ADAMTSL1: variants seen among roughly 807,000 people sequenced by gnomAD.
ADAMTSL1 encodes ADAMTS-like protein 1.
In ADAMTSL1, 126 loss-of-function variants were observed where a neutral mutation model predicts 201.8. The ratio of observed to expected loss-of-function variants is 0.62; its 90% CI spans 0.54 to 0.72. The LOEUF is 0.72. ADAMTSL1 is among the 30% of genes least tolerant of loss of function. The pLI is 0.00. For missense variants in ADAMTSL1, 2,679 were observed against 2,277.8 expected (o/e 1.18, Z -3.59); for synonymous variants, 1,121 against 903.4 (o/e 1.24, Z -4.32).
chr9:18,637,514 T>A (rs917288597), intron 6 of ADAMTSL1, among the ~76,000 whole-genome samples: 2 of 152,184 alleles, frequency 1.3e-5, no homozygotes, highest in Admixed American at 1.3e-4. Context: ...ATAGATTTCA[T>A]AATTATGTGA....
At chr9:18,683,605 T>C (rs1380878100) in intron 12 of ADAMTSL1, among the ~76,000 whole-genome samples, 1 of 152,236 alleles carries the variant, frequency 6.6e-6, no homozygotes, top group Admixed American at 6.5e-5. Context: ...GTGTTTAAAA[T>C]GTTAGCAAAT....
intron 2 of ADAMTSL1, among the ~76,000 whole-genome samples, chr9:18,259,017 A>G (rs1452025934): frequency 1.3e-5 from 2 of 152,134 alleles, no homozygotes; most frequent in Non-Finnish European, 2.9e-5. Flanking sequence ...AGTCTCTGCC[A>G]TTGGCTTCCA....
At chr9:18,017,802 CT>C (rs1820321601) in intron 1 of ADAMTSL1, among the ~76,000 whole-genome samples, 2 of 151,982 alleles carry the variant, frequency 1.3e-5, no homozygotes, top group Admixed American at 1.3e-4. Context: ...CATTAAAATT[CT>C]ATCAGCAAAG....
intron 3 of ADAMTSL1, among the ~76,000 whole-genome samples, chr9:18,562,208 G>T (rs1821553621): frequency 6.6e-6 from 1 of 152,144 alleles, no homozygotes; most frequent in Non-Finnish European, 1.5e-5. Context: ...CTCTTTTAGG[G>T]CAGGCCTGGT....
intron 15 of ADAMTSL1, among the ~76,000 whole-genome samples, chr9:18,733,815 C>G (rs746441961): frequency 1.3e-5 from 2 of 152,002 alleles, no homozygotes; most frequent in Non-Finnish European, 2.9e-5. Context: ...TTTGACTACC[C>G]AAATTCCCAG....
intron 2 of ADAMTSL1, among the ~76,000 whole-genome samples, chr9:18,176,533 G>A (rs1828166600): frequency 6.6e-6 from 1 of 152,004 alleles, no homozygotes; most frequent in Non-Finnish European, 1.5e-5. Context: ...ATTAATCTTA[G>A]AGAGAGGGTA....
chr9:18,758,812 C>G (rs1819910273), intron 16 of ADAMTSL1, among the ~76,000 whole-genome samples: 1 of 152,188 alleles, frequency 6.6e-6, no homozygotes, highest in South Asian at 2.1e-4. Context: ...GGCCATTGTT[C>G]AGCCCATCAC....
chr9:18,146,509 G>C (rs917183207), intron 1 of ADAMTSL1, among the ~76,000 whole-genome samples: 53 of 152,086 alleles, frequency 3.5e-4, no homozygotes, highest in African/African-American at 1.3e-3. Context: ...TGACATTTTG[G>C]GAAAGGCAAA....
At chr9:18,210,257 CAG>C (rs1213727458) in intron 2 of ADAMTSL1, among the ~76,000 whole-genome samples, 1 of 150,972 alleles carries the variant, frequency 6.6e-6, no homozygotes, top group African/African-American at 2.4e-5. Context: ...TAAAACATGT[CAG>C]AGTTTTTAAT....
intron 1 of ADAMTSL1, among the ~76,000 whole-genome samples, chr9:18,008,104 A>G (rs1819906011): frequency 6.6e-6 from 1 of 152,154 alleles, no homozygotes; most frequent in South Asian, 2.1e-4. Context: ...TATTTAGGTC[A>G]TGTTAGACAT....
intron 3 of ADAMTSL1, among the ~76,000 whole-genome samples, chr9:18,541,168 T>G (rs556211852): frequency 6.6e-6 from 1 of 152,200 alleles, no homozygotes; most frequent in Non-Finnish European, 1.5e-5. Context: ...TCTCCTATCT[T>G]TCAGAGTCTG....
At chr9:18,890,551 C>A (rs1452050050) in intron 25 of ADAMTSL1, 2 of 455,856 alleles carry the variant, frequency 4.4e-6, no homozygotes, top group Non-Finnish European at 8.8e-6. Context: ...TCTGTTTTGC[C>A]AGCTGAGTCA....
At chr9:17,922,004 G>A (rs1219181883) in intron 1 of ADAMTSL1, among the ~76,000 whole-genome samples, 4 of 150,726 alleles carry the variant, frequency 2.7e-5, no homozygotes, top group Non-Finnish European at 4.4e-5. Flanking sequence ...AGAACATAGA[G>A]TTAACATGAT....
At chr9:17,949,424 C>G (rs1157803314) in intron 1 of ADAMTSL1, among the ~76,000 whole-genome samples, 1 of 152,182 alleles carries the variant, frequency 6.6e-6, no homozygotes, top group Non-Finnish European at 1.5e-5. Flanking sequence ...CACTATTAAG[C>G]AGGGCTTTGG....
chr9:18,826,664 T>G (rs1294805120), intron 22 of ADAMTSL1, among the ~76,000 whole-genome samples: 1 of 152,214 alleles, frequency 6.6e-6, no homozygotes, highest in Non-Finnish European at 1.5e-5. Flanking sequence ...GGCTCTTCCA[T>G]TTACTAACTG....
At chr9:18,261,050 T>G in intron 2 of ADAMTSL1, among the ~76,000 whole-genome samples, 1 of 116,290 alleles carries the variant, frequency 8.6e-6, no homozygotes, top group East Asian at 2.7e-4. Context: ...AGAAAGAGAA[T>G]GTGTTTCCTA....
chr9:18,116,274 A>G (rs761684700), intron 1 of ADAMTSL1, among the ~76,000 whole-genome samples: 21 of 152,188 alleles, frequency 1.4e-4, no homozygotes, highest in Non-Finnish European at 2.8e-4. Flanking sequence ...GATTGTCTTT[A>G]GAGATCCAGT....
chr9:18,079,414 C>G (rs1223925756), intron 1 of ADAMTSL1, among the ~76,000 whole-genome samples: 2 of 152,158 alleles, frequency 1.3e-5, no homozygotes, highest in East Asian at 3.9e-4. Flanking sequence ...CACAGTGGCT[C>G]ACACCTGTAA....
chr9:18,207,491 G>T (rs1373693295), intron 2 of ADAMTSL1, among the ~76,000 whole-genome samples: 1 of 152,044 alleles, frequency 6.6e-6, no homozygotes, highest in Non-Finnish European at 1.5e-5. Context: ...AAATAGTTAG[G>T]TACAACTCAT....
Sources: gnomAD v4.1 joint callset for allele counts (sites outside exome capture counted in the v4.1 genomes callset) on GRCh38, gnomAD v4.1.1 for gene constraint, MANE v1.5 for transcripts, NCBI Gene and HGNC (gene_info 2026-07-23, HGNC 2026-07-21) for gene names.